MTERF4: variants seen among roughly 807,000 people sequenced by gnomAD.
MTERF4 encodes the protein transcription termination factor 4, mitochondrial.
MTERF4 carries 17 observed loss-of-function variants against 22.5 expected under a neutral mutation model. That is an observed-to-expected ratio of 0.75 (90% confidence interval 0.52 to 1.13). MTERF4 has a LOEUF of 1.13. MTERF4 is among the 50% of genes most tolerant of loss of function. The pLI, the probability that MTERF4 is intolerant of heterozygous loss-of-function variation, is 0.00. For synonymous variants in MTERF4, 165 were observed against 175.3 expected, an observed-to-expected ratio of 0.94 and a Z score of 0.47; for missense variants, 420 against 466.8, an observed-to-expected ratio of 0.90 and a Z score of 0.92.
At chr2:241,086,156 C>T (rs539894249), downstream of MTERF4, among the ~76,000 whole-genome samples, 6 of 152,266 alleles carry the variant, frequency 3.9e-5, no homozygotes, top group African/African-American at 9.6e-5. Context: ...AGTGAGCCAC[C>T]GCACCTGGCC....
chr2:241,048,923 G>A, the MTERF4 span: 3 of 1,245,336 alleles, frequency 2.4e-6, no homozygotes, highest in Non-Finnish European at 3.4e-6. Context: ...TGAACCTGTT[G>A]GGGCCACTGG....
chr2:241,049,226 C>A, the MTERF4 span: 34 of 940,448 alleles, frequency 3.6e-5, no homozygotes, highest in East Asian at 5.3e-4. Context: ...GGCCAGAGTC[C>A]CTACTTCCCT....
At chr2:241,058,041 C>T in the MTERF4 span, among the ~76,000 whole-genome samples, 2 of 152,096 alleles carry the variant, frequency 1.3e-5, no homozygotes, top group Admixed American at 1.3e-4. Flanking sequence ...TGGTATAAAA[C>T]AAGCTAGCAC....
At chr2:241,080,752 C>G (rs1408673074) in intron 4 of MTERF4, among the ~76,000 whole-genome samples, 3 of 152,208 alleles carry the variant, frequency 2.0e-5, no homozygotes, top group Non-Finnish European at 4.4e-5. Flanking sequence ...GAAGAAGCAA[C>G]CTAGTGGGCA....
chr2:241,101,874 G>A (rs1164273404), intron 1 of MTERF4, among the ~76,000 whole-genome samples: 2 of 152,142 alleles, frequency 1.3e-5, no homozygotes, highest in Admixed American at 1.3e-4. Context: ...CCAACACGGT[G>A]AAACCCCGTC....
chr2:241,089,055 C>T (rs2063740508), downstream of MTERF4: 1 of 399,640 alleles, frequency 2.5e-6, no homozygotes, highest in Admixed American at 4.4e-5. Flanking sequence ...GGCAACCAAA[C>T]CCCATCCTGC....
At chr2:241,046,186 ACT>A in the MTERF4 span, among the ~76,000 whole-genome samples, 1 of 152,036 alleles carries the variant, frequency 6.6e-6, no homozygotes, top group Non-Finnish European at 1.5e-5. Flanking sequence ...AGCAACTGGA[ACT>A]CTCACACATT....
downstream of MTERF4, chr2:241,090,290 T>A: frequency 1.3e-6 from 2 of 1,547,428 alleles, no homozygotes; most frequent in Non-Finnish European, 1.7e-6. Flanking sequence ...AGGGGCAGGA[T>A]CATCCATGTC....
the MTERF4 span, among the ~76,000 whole-genome samples, chr2:241,049,546 T>C: frequency 2.6e-5 from 4 of 152,220 alleles, no homozygotes; most frequent in Non-Finnish European, 4.4e-5. Context: ...CTGGCAGTGA[T>C]GACAGGAAGG....
Position 241,074,882 on chromosome 2 carries a change from C to T in MTERF4, n.1280G>A, listed in dbSNP as rs116843673. 2.6e-5 allele frequency: 4 copies of T among 152,344 alleles called. No homozygotes were observed. In the East Asian group the frequency reaches 7.7e-4, roughly 29 times the overall value. 9.4% of individuals were successfully genotyped at this position (152,344 alleles called of 1,614,324 possible). A position where few individuals can be genotyped will look rare whatever the true frequency, so the allele number is the denominator to read the frequency against. ...CTCCCTGTTCTCTCCCCTCAGTTAA[C>T]CATGATCCTGAACTTTGTGCCTAGA... On this transcript the variant is annotated non_coding_transcript_exon_variant, in exon 5 of 5. Transcript: ENST00000464344.
chr2:241,065,257 G>A, the MTERF4 span: 27 of 1,606,038 alleles, frequency 1.7e-5, no homozygotes, highest in Non-Finnish European at 2.2e-5. Context: ...ATAGCTAACG[G>A]CTGACCAGTC....
intron 4 of MTERF4, among the ~76,000 whole-genome samples, chr2:241,078,315 G>A (rs2063140487): frequency 6.6e-6 from 1 of 150,786 alleles, no homozygotes; most frequent in Non-Finnish European, 1.5e-5. Context: ...CCCGGGAGGT[G>A]GAGTTTGCAG....
At chr2:241,077,203 G>A (rs1231360805) in intron 4 of MTERF4, among the ~76,000 whole-genome samples, 1 of 152,182 alleles carries the variant, frequency 6.6e-6, no homozygotes, top group Non-Finnish European at 1.5e-5. Context: ...TGCTGGGACA[G>A]CTGGATATCC....
chr2:241,044,127 G>C, the MTERF4 span, among the ~76,000 whole-genome samples: 1 of 152,146 alleles, frequency 6.6e-6, no homozygotes, highest in African/African-American at 2.4e-5. Context: ...AATCCAGAAG[G>C]CAGGAAGAGA....
At chr2:241,076,814 G>A (rs1029638771) in intron 4 of MTERF4, among the ~76,000 whole-genome samples, 20 of 152,226 alleles carry the variant, frequency 1.3e-4, no homozygotes, top group Admixed American at 5.2e-4. Flanking sequence ...GTCCAGGGCC[G>A]GGCGCAGTGG....
At chr2:241,079,709 C>G (rs1025001528) in intron 4 of MTERF4, among the ~76,000 whole-genome samples, 7 of 151,948 alleles carry the variant, frequency 4.6e-5, no homozygotes, top group Non-Finnish European at 1.0e-4. Context: ...ATAAGTAAAC[C>G]TAGTTATCAT....
At chr2:241,052,561 A>G in the MTERF4 span, 59 of 948,282 alleles carry the variant, frequency 6.2e-5, no homozygotes, top group African/African-American at 5.6e-4. Context: ...ATGGGATACC[A>G]GTGCCAGGCA....
the MTERF4 span, chr2:241,049,817 C>T: frequency 6.2e-7 from 1 of 1,612,784 alleles, no homozygotes; most frequent in East Asian, 2.2e-5. Context: ...CCGCCCCCAG[C>T]CCTGCCATCA....
the MTERF4 span, among the ~76,000 whole-genome samples, chr2:241,046,584 A>G: frequency 6.6e-6 from 1 of 152,222 alleles, no homozygotes; most frequent in South Asian, 2.1e-4. Flanking sequence ...ACTAAATGGC[A>G]TTCTTCGTAA....
Sources: allele counts gnomAD v4.1 joint callset (sites outside exome capture counted in the v4.1 genomes callset), GRCh38; gene constraint gnomAD v4.1.1; transcripts MANE v1.5; gene names NCBI Gene and HGNC (gene_info 2026-07-23, HGNC 2026-07-21).